Variants in TAF1 observed in about 807,000 individuals in gnomAD.
TAF1 encodes the protein TATA-box binding protein associated factor 1.
In TAF1, 2 loss-of-function variants were observed where a neutral mutation model predicts 138.5. The observed-to-expected ratio is 0.01, with a 90% CI of 0.01 to 0.05. TAF1 has a LOEUF of 0.05. Among genes scored for constraint, TAF1 ranks in the 10% least tolerant of loss-of-function variants. TAF1 has a pLI of 1.00. For missense variants in TAF1, 709 were observed against 1,478.0 expected, an observed-to-expected ratio of 0.48 and a Z score of 8.53; for synonymous variants, 437 against 503.2, an observed-to-expected ratio of 0.87 and a Z score of 1.76.
At chrX:71,431,914 CAA>C (rs762790780) in intron 32 of TAF1, among the ~76,000 whole-genome samples, 8 of 36,880 alleles carry the variant, frequency 2.2e-4, no homozygotes, top group Admixed American at 3.4e-4. Flanking sequence ...GACTCCGTCT[CAA>C]AAAAAAAAAA....
At chrX:71,483,780 C>CTCTCTCTATA (rs1164519184) in intron 13 of TAF1, among the ~76,000 whole-genome samples, 10 of 37,568 alleles carry the variant, frequency 2.7e-4, no homozygotes, top group African/African-American at 1.0e-3. Flanking sequence ...CTCTCTCTCT[C>CTCTCTCTATA]TATATATATA....
intron 27 of TAF1, 103 bp downstream of exon 27, chrX:71,407,775 A>T: frequency 1.0e-6 from 1 of 998,858 alleles, no homozygotes; most frequent in Non-Finnish European, 1.4e-6. Context: ...AGGTAACTGG[A>T]ATGCCTAATT....
intron 23 of TAF1, 101 bp downstream of exon 23, chrX:71,397,567 C>T (rs2034924142): frequency 1.0e-6 from 1 of 963,554 alleles, no homozygotes; most frequent in Non-Finnish European, 1.5e-6. Flanking sequence ...ATTGCAACCT[C>T]CATCTCTCAG....
intron 25 of TAF1, among the ~76,000 whole-genome samples, chrX:71,403,911 C>CT (rs34947744): frequency 3.6e-3 from 308 of 86,148 alleles, no homozygotes; most frequent in Non-Finnish European, 4.0e-3. Context: ...TTTTTTTTTT[C>CT]TTTTTTTTTT....
intron 34 of TAF1, among the ~76,000 whole-genome samples, chrX:71,456,603 A>G (rs1265702262): frequency 3.9e-5 from 4 of 103,492 alleles, no homozygotes; most frequent in African/African-American, 1.5e-4. Flanking sequence ...CATGATAGTA[A>G]TCATACCTTT....
intron 13 of TAF1, among the ~76,000 whole-genome samples, chrX:71,511,683 C>T (rs2039732897): frequency 8.9e-6 from 1 of 111,839 alleles, no homozygotes; most frequent in Non-Finnish European, 1.9e-5. Context: ...ACCTACATGA[C>T]AATGTGACTT....
intron 13 of TAF1, among the ~76,000 whole-genome samples, chrX:71,516,323 C>T (rs1359989671): frequency 1.3e-4 from 14 of 105,858 alleles, no homozygotes; most frequent in Admixed American, 8.2e-4. Context: ...CTGCCAGCCT[C>T]GGCCTCCGAA....
intron 13 of TAF1, among the ~76,000 whole-genome samples, chrX:71,504,688 G>A (rs1273519828): frequency 1.3e-4 from 11 of 85,385 alleles, no homozygotes; most frequent in East Asian, 4.3e-4. Flanking sequence ...GTTGCAGTGA[G>A]CTGTGATTGA....
intron 32 of TAF1, among the ~76,000 whole-genome samples, chrX:71,431,231 T>C (rs749621999): frequency 3.5e-4 from 38 of 108,390 alleles, no homozygotes; most frequent in Admixed American, 1.1e-3. Flanking sequence ...CCCAGCTAAT[T>C]TTTGTATTTT....
intron 4 of TAF1, among the ~76,000 whole-genome samples, chrX:71,375,837 A>G (rs767360178): frequency 1.8e-5 from 2 of 112,599 alleles, no homozygotes; most frequent in Non-Finnish European, 3.7e-5. Flanking sequence ...GGCGTGAGCC[A>G]CTGCTCCCTG....
downstream of TAF1, among the ~76,000 whole-genome samples, chrX:71,468,075 G>A (rs1254139241): frequency 9.1e-6 from 1 of 109,890 alleles, no homozygotes; most frequent in East Asian, 2.9e-4. Context: ...TGGGCAACAT[G>A]GTGAAAACCC....
intron 32 of TAF1, among the ~76,000 whole-genome samples, chrX:71,442,048 T>TTC (rs1281899818): frequency 5.4e-5 from 6 of 111,745 alleles, no homozygotes; most frequent in Non-Finnish European, 1.1e-4. Context: ...GTGCCACATT[T>TTC]TCTTAATCCA....
At chrX:71,388,091 C>T (rs1320945866) in intron 15 of TAF1, 146 bp from the exon 16 acceptor site, 1 of 876,607 alleles carries the variant, frequency 1.1e-6, no homozygotes, top group South Asian at 2.7e-5. Context: ...CAGAGCGAGA[C>T]TCCGTCTCAG....
rs1027447705 is a variant in TAF1 at position 71,530,289 on chromosome X, G to A, written c.*751G>A. 4 of 112,531 alleles carry A rather than the reference G, an allele frequency of 3.6e-5. No homozygotes were observed. The East Asian group carries it at 8.4e-4, about 24-fold the overall frequency. The allele number at this position is 112,531 out of a possible 1,213,427, so 9.3% of individuals were successfully genotyped here. On this transcript the variant is annotated 3_prime_UTR_variant and NMD_transcript_variant, in exon 15 of 15. Coordinates refer to the TAF1 transcript ENST00000373775. The stretch of plus-strand genomic sequence containing the variant: ...AATTTCTCTCTGGAATATTAGTCCC[G>A]CACCCCTGGAGAGCCTGTGCGGCTG...
chrX:71,385,646 T>C (rs760029366), intron 14 of TAF1, among the ~76,000 whole-genome samples: 4 of 111,685 alleles, frequency 3.6e-5, no homozygotes, highest in Non-Finnish European at 7.5e-5. Flanking sequence ...TAACCATTTG[T>C]CCTACTCTTA....
chrX:71,432,027 A>G (rs767691537), intron 32 of TAF1, among the ~76,000 whole-genome samples: 14 of 111,771 alleles, frequency 1.3e-4, no homozygotes, highest in Non-Finnish European at 1.9e-5. Flanking sequence ...AAAATTACCA[A>G]CAGGTCAGGT....
At chrX:71,422,322 ATTTTT>A (rs757749745) in intron 29 of TAF1, among the ~76,000 whole-genome samples, 1 of 94,478 alleles carries the variant, frequency 1.1e-5, no homozygotes, top group South Asian at 4.6e-4. Flanking sequence ...TTTTACTGGA[ATTTTT>A]TTTTTTTTTT....
rs2036283162 is a variant in TAF1 at position 71,420,654 on chromosome X, C to A, written c.4385-655C>A. On this transcript the variant is annotated intron_variant, in intron 28 of 37. Transcript: ENST00000423759. ...GCTTTGATAGCTTCCAGCTCCGGATCCTCAATGGCGCTGTCTTCCGGGTCA... is the reference window on the plus strand; with the variant it reads ...GCTTTGATAGCTTCCAGCTCCGGATACTCAATGGCGCTGTCTTCCGGGTCA... 33 of 1,182,803 alleles carry A rather than the reference C, an allele frequency of 2.8e-5. 1 individual carries two copies. Among genetic ancestry groups the A allele is most frequent in the Non-Finnish European group, 3.3e-5 (29 of 873,150 alleles).
At chrX:71,488,651 G>A (rs770095373) in intron 13 of TAF1, among the ~76,000 whole-genome samples, 18 of 111,417 alleles carry the variant, frequency 1.6e-4, no homozygotes, top group Admixed American at 3.8e-4. Context: ...TAGCTACCTT[G>A]GCCTCCTAGT....
Sources: gnomAD v4.1 joint callset for allele counts (sites outside exome capture counted in the v4.1 genomes callset) on GRCh38, gnomAD v4.1.1 for gene constraint, MANE v1.5 for transcripts, NCBI Gene and HGNC (gene_info 2026-07-23, HGNC 2026-07-21) for gene names.